The following NHLRC2 variants were observed in gnomAD, a reference collection of about 807,000 sequenced individuals.
NHLRC2 encodes the protein NHL repeat-containing protein 2.
In NHLRC2, 33 loss-of-function variants were observed where a neutral mutation model predicts 68.1. The ratio of observed to expected loss-of-function variants is 0.48; its 90% CI spans 0.37 to 0.65. The LOEUF is 0.65. Among genes scored for constraint, NHLRC2 ranks in the 30% least tolerant of loss-of-function variants. NHLRC2 has a pLI of 0.00. For missense variants in NHLRC2, 761 were observed against 853.8 expected, an observed-to-expected ratio of 0.89 and a Z score of 1.35; for synonymous variants, 311 against 309.6, an observed-to-expected ratio of 1.00 and a Z score of -0.05.
chr10:113,871,784 CA>C (rs1845928483), intron 2 of NHLRC2, among the ~76,000 whole-genome samples: 1 of 152,072 alleles, frequency 6.6e-6, no homozygotes, highest in Non-Finnish European at 1.5e-5. Context: ...CCCTCTGTTC[CA>C]AACAATAAAA....
At chr10:113,901,953 T>C in intron 7 of NHLRC2, 56 bp downstream of exon 7, 1 of 1,208,868 alleles carries the variant, frequency 8.3e-7, no homozygotes, top group Non-Finnish European at 1.2e-6. Flanking sequence ...CTGTCAATTT[T>C]GTGAATTATG....
Position 113,854,978 on chromosome 10 carries a change from A to C in NHLRC2, c.106A>C (p.Ser36Arg). ...CGCCGTTACCCAGCAGGAGAAGGACAGCCTGGTCTACCAGTATCTGCAGAA... is the reference window on the plus strand; with the variant it reads ...CGCCGTTACCCAGCAGGAGAAGGACCGCCTGGTCTACCAGTATCTGCAGAA... ...LDAVTQQEKD[S>R]LVYQYLQKVD... Residue 36 changes from serine (S) to arginine (R), a missense_variant, in exon 1 of 11, where the codon AGC (serine) becomes CGC (arginine). Ser to Arg is a moderately radical substitution (Grantham distance 110, BLOSUM62 -1). Transcript: ENST00000369301. 1 of 1,553,540 alleles carries C rather than the reference A, an allele frequency of 6.4e-7. No individual in the cohort carries two copies. Among genetic ancestry groups the C allele is most frequent in the South Asian group, 1.2e-5 (1 of 84,152 alleles).
At chr10:113,861,534 C>T (rs1845816907) in intron 2 of NHLRC2, among the ~76,000 whole-genome samples, 1 of 152,178 alleles carries the variant, frequency 6.6e-6, no homozygotes, top group Admixed American at 6.5e-5. Flanking sequence ...ACAAAACTGT[C>T]AACCAAGAAT....
chr10:113,855,556 C>T (rs111613961), intron 1 of NHLRC2, among the ~76,000 whole-genome samples: 3 of 152,292 alleles, frequency 2.0e-5, no homozygotes, highest in African/African-American at 7.2e-5. Context: ...CAACCTCCGC[C>T]TCCCAGGTTC....
intron 6 of NHLRC2, among the ~76,000 whole-genome samples, chr10:113,901,293 G>A (rs1188085344): frequency 6.6e-6 from 1 of 151,952 alleles, no homozygotes; most frequent in Non-Finnish European, 1.5e-5. Context: ...TTCCCTTTCC[G>A]AACCTCATAT....
intron 5 of NHLRC2, among the ~76,000 whole-genome samples, chr10:113,897,106 G>A (rs975884486): frequency 1.3e-5 from 2 of 151,944 alleles, no homozygotes; most frequent in African/African-American, 4.8e-5. Flanking sequence ...GGCTTTCCAT[G>A]TTTTTATTTC....
At chr10:113,864,723 C>A (rs1190337974) in intron 2 of NHLRC2, among the ~76,000 whole-genome samples, 2 of 149,744 alleles carry the variant, frequency 1.3e-5, no homozygotes, top group Non-Finnish European at 3.0e-5. Context: ...CACACACACA[C>A]AAAAATGGGT....
chr10:113,871,771 C>T (rs1845928281), intron 2 of NHLRC2, among the ~76,000 whole-genome samples: 1 of 152,142 alleles, frequency 6.6e-6, no homozygotes, highest in Non-Finnish European at 1.5e-5. Context: ...CCCACTGTCC[C>T]TCCCCTCTGT....
chr10:113,899,068 C>T (rs965430263), intron 6 of NHLRC2, among the ~76,000 whole-genome samples: 4 of 152,222 alleles, frequency 2.6e-5, no homozygotes, highest in African/African-American at 7.2e-5. Flanking sequence ...CTCACTGTAC[C>T]TGGTGTATAG....
intron 2 of NHLRC2, among the ~76,000 whole-genome samples, chr10:113,867,667 C>T (rs1051254778): frequency 3.9e-5 from 6 of 152,210 alleles, no homozygotes; most frequent in African/African-American, 1.4e-4. Context: ...TGCCTGGAAT[C>T]ATCGTCTCAT....
chr10:113,879,845 T>A (rs184212466), intron 4 of NHLRC2, 150 bp downstream of exon 4: 29 of 522,968 alleles, frequency 5.5e-5, no homozygotes, highest in Non-Finnish European at 6.5e-6. Flanking sequence ...AGTTTTATTC[T>A]CAAGTATCCT....
chr10:113,855,082 C>T (rs1402428085), intron 1 of NHLRC2, 32 bp downstream of exon 1: 2 of 1,527,194 alleles, frequency 1.3e-6, no homozygotes, highest in African/African-American at 1.4e-5. Flanking sequence ...GGGGGCCCCT[C>T]CCGGCACCTC....
chr10:113,888,315 T>C (rs1564855925), intron 5 of NHLRC2, among the ~76,000 whole-genome samples: 1 of 152,154 alleles, frequency 6.6e-6, no homozygotes, highest in African/African-American at 2.4e-5. Context: ...ATTTAACATT[T>C]GCACCACACA....
intron 5 of NHLRC2, 51 bp from the exon 6 acceptor site, chr10:113,898,059 G>A: frequency 1.9e-6 from 2 of 1,049,538 alleles, no homozygotes; most frequent in African/African-American, 3.2e-5. Flanking sequence ...CCATTGGAGT[G>A]TTTGTATTAA....
intron 4 of NHLRC2, among the ~76,000 whole-genome samples, chr10:113,883,969 TTTAG>T (rs1366468604): frequency 6.6e-6 from 1 of 151,840 alleles, no homozygotes; most frequent in Non-Finnish European, 1.5e-5. Context: ...AAAATTTTTG[TTTAG>T]TTAAGATGAG....
intron 2 of NHLRC2, among the ~76,000 whole-genome samples, chr10:113,873,764 T>C (rs1439342824): frequency 6.6e-6 from 1 of 152,168 alleles, no homozygotes; most frequent in Non-Finnish European, 1.5e-5. Flanking sequence ...CTGAAACCCA[T>C]GTAAGCTTTA....
At chr10:113,878,599 C>T (rs1193533162) in intron 3 of NHLRC2, among the ~76,000 whole-genome samples, 1 of 152,134 alleles carries the variant, frequency 6.6e-6, no homozygotes, top group Admixed American at 6.6e-5. Context: ...ATGATCTCAG[C>T]TCACTGCAGC....
intron 4 of NHLRC2, among the ~76,000 whole-genome samples, chr10:113,879,911 T>G (rs552126668): frequency 6.6e-6 from 1 of 152,066 alleles, no homozygotes; most frequent in African/African-American, 2.4e-5. Flanking sequence ...TTCAGTTCTT[T>G]TTTTAACCCT....
At chr10:113,886,679 A>G (rs1846085767) in intron 5 of NHLRC2, among the ~76,000 whole-genome samples, 2 of 152,218 alleles carry the variant, frequency 1.3e-5, no homozygotes, top group Non-Finnish European at 2.9e-5. Context: ...CTGGATATCC[A>G]CATGCAGATG....
Sources: allele counts gnomAD v4.1 joint callset (sites outside exome capture counted in the v4.1 genomes callset), GRCh38; gene constraint gnomAD v4.1.1; transcripts MANE v1.5; gene names NCBI Gene and HGNC (gene_info 2026-07-23, HGNC 2026-07-21).